DNAJC1: variants seen among roughly 807,000 people sequenced by gnomAD.
DNAJC1 encodes dnaJ homolog subfamily C member 1.
A neutral mutation model predicts 76.6 loss-of-function variants in DNAJC1; 58 were observed. That is an observed-to-expected ratio of 0.76 (90% confidence interval 0.61 to 0.94). The LOEUF is 0.94. Among genes scored for constraint, DNAJC1 ranks in the 40% least tolerant of loss-of-function variants. The pLI is 0.00. For synonymous variants in DNAJC1, 258 were observed against 267.9 expected, an observed-to-expected ratio of 0.96 and a Z score of 0.36; for missense variants, 689 against 677.3, an observed-to-expected ratio of 1.02 and a Z score of -0.19.
At chr10:21,796,614 TTTTG>T (rs1191135029) in intron 9 of DNAJC1, among the ~76,000 whole-genome samples, 11 of 152,026 alleles carry the variant, frequency 7.2e-5, no homozygotes, top group South Asian at 2.1e-4. Flanking sequence ...CTTCTTTTTG[TTTTG>T]TTTTTGTTTT....
chr10:21,841,223 G>A (rs1426914476), intron 8 of DNAJC1, among the ~76,000 whole-genome samples: 4 of 152,090 alleles, frequency 2.6e-5, no homozygotes, highest in Admixed American at 2.6e-4. Context: ...ACAACCAAAA[G>A]CAATGGCAAC....
chr10:22,003,606 G>A lies in DNAJC1; in HGVS notation c.-172C>T. The A allele has an allele frequency of 1.3e-6, 1 of 759,896 alleles. No individual in the cohort carries two copies. Among genetic ancestry groups the A allele is most frequent in the South Asian group, 5.2e-5 (1 of 19,206 alleles). The allele number at this position is 759,896 out of a possible 1,614,324, so 47.1% of individuals were successfully genotyped here. Reference sequence around the variant, plus strand: ...CAGACAGAGCGCGGAGGCGGCGGGAGCCGGCTGCCGGACGGGCGGGTGGGT... The same window carrying A: ...CAGACAGAGCGCGGAGGCGGCGGGAACCGGCTGCCGGACGGGCGGGTGGGT... On this transcript the variant is annotated 5_prime_UTR_variant, in exon 1 of 12. Coordinates refer to ENST00000376980, the MANE Select transcript of DNAJC1 (RefSeq NM_022365.4).
chr10:21,782,352 A>G (rs1329126807), intron 9 of DNAJC1, among the ~76,000 whole-genome samples: 1 of 152,224 alleles, frequency 6.6e-6, no homozygotes, highest in Non-Finnish European at 1.5e-5. Flanking sequence ...AAGAAGTCGA[A>G]TCTCTGAATA....
intron 8 of DNAJC1, among the ~76,000 whole-genome samples, chr10:21,875,084 T>C (rs993629549): frequency 1.5e-4 from 23 of 152,196 alleles, no homozygotes; most frequent in African/African-American, 5.5e-4. Flanking sequence ...TTTCACCATG[T>C]TGGCCAGGCT....
intron 8 of DNAJC1, among the ~76,000 whole-genome samples, chr10:21,813,605 G>T (rs945128442): frequency 1.3e-5 from 2 of 151,992 alleles, no homozygotes; most frequent in African/African-American, 4.8e-5. Context: ...CACCGTGTTA[G>T]CCAGGATGGT....
In DNAJC1 at chr10:21,862,080, G is replaced by A. The variant is rs909388777; in HGVS notation, c.978+20202C>T. ...ATTACAGGCATGCACCACCACGCCCGGCTAATTTTGTATTTTTAGTAGAGA... is the reference window on the plus strand; with the variant it reads ...ATTACAGGCATGCACCACCACGCCCAGCTAATTTTGTATTTTTAGTAGAGA... On this transcript the variant is annotated intron_variant, in intron 8 of 11. Transcript: ENST00000376980. Among the ~76,000 whole-genome samples, 8 of 151,852 alleles carry A rather than the reference G, an allele frequency of 5.3e-5. No homozygotes were observed. The East Asian group carries it at 9.7e-4, about 18-fold the overall frequency.
intron 1 of DNAJC1, among the ~76,000 whole-genome samples, chr10:21,995,723 T>A (rs1288658179): frequency 6.6e-6 from 1 of 152,240 alleles, no homozygotes; most frequent in Non-Finnish European, 1.5e-5. Context: ...GAACGTGGCA[T>A]GCCCTTGCTT....
chr10:21,813,220 C>CTATATATATATATA (rs777283982), intron 8 of DNAJC1, among the ~76,000 whole-genome samples: 16 of 19,080 alleles, frequency 8.4e-4, no homozygotes, highest in African/African-American at 1.0e-3. Flanking sequence ...CTCTCTCTCT[C>CTATATATATATATA]TATATATATA....
At chr10:21,839,444 A>T (rs1759734540) in intron 8 of DNAJC1, among the ~76,000 whole-genome samples, 1 of 152,242 alleles carries the variant, frequency 6.6e-6, no homozygotes, top group South Asian at 2.1e-4. Context: ...ACAGAAATAC[A>T]AACTACCATC....
chr10:21,944,840 T>C (rs1182033964), intron 1 of DNAJC1, among the ~76,000 whole-genome samples: 1 of 152,194 alleles, frequency 6.6e-6, no homozygotes, highest in Non-Finnish European at 1.5e-5. Context: ...GGTAAGGTTG[T>C]AAATGACAGA....
chr10:21,870,308 A>G (rs889688469), intron 8 of DNAJC1, among the ~76,000 whole-genome samples: 1 of 152,140 alleles, frequency 6.6e-6, no homozygotes, highest in Non-Finnish European at 1.5e-5. Context: ...TCTCAACTTG[A>G]TTTTTTAAAA....
At chr10:21,990,917 G>T (rs185379696) in intron 1 of DNAJC1, among the ~76,000 whole-genome samples, 71 of 152,254 alleles carry the variant, frequency 4.7e-4, no homozygotes, top group African/African-American at 1.6e-3. Flanking sequence ...AAGGCAAAAA[G>T]ATCGTTAATT....
At chr10:21,913,522 A>G (rs1452380879) in intron 6 of DNAJC1, among the ~76,000 whole-genome samples, 3 of 152,206 alleles carry the variant, frequency 2.0e-5, no homozygotes, top group Admixed American at 1.3e-4. Flanking sequence ...AAAATAAACT[A>G]AGTTATAACA....
chr10:21,782,764 C>T (rs1342462339), intron 9 of DNAJC1, among the ~76,000 whole-genome samples: 3 of 152,252 alleles, frequency 2.0e-5, no homozygotes, highest in East Asian at 1.9e-4. Flanking sequence ...AATCAATAAA[C>T]GTAATCCATC....
intron 1 of DNAJC1, among the ~76,000 whole-genome samples, chr10:21,944,117 C>T (rs1386406726): frequency 6.6e-6 from 1 of 151,520 alleles, no homozygotes; most frequent in African/African-American, 2.4e-5. Flanking sequence ...GGAAAAGACA[C>T]TGGCATGGAA....
At chr10:21,794,990 G>A (rs1399562197) in intron 9 of DNAJC1, among the ~76,000 whole-genome samples, 8 of 151,936 alleles carry the variant, frequency 5.3e-5, no homozygotes. Context: ...GTTCCAATAA[G>A]TATTTCCTTT....
intron 3 of DNAJC1, among the ~76,000 whole-genome samples, 153 bp from the exon 4 acceptor site, chr10:21,921,116 T>A (rs1418298027): frequency 6.6e-6 from 1 of 151,966 alleles, no homozygotes; most frequent in African/African-American, 2.4e-5. Flanking sequence ...TCGAGTAAAT[T>A]CAAAGCACTG....
chr10:21,947,365 C>CG (rs1837521142), intron 1 of DNAJC1, among the ~76,000 whole-genome samples: 1 of 152,056 alleles, frequency 6.6e-6, no homozygotes, highest in South Asian at 2.1e-4. Context: ...TCCTGACTCC[C>CG]GTTCCACTTC....
At chr10:21,891,829 C>T (rs1836467991) in intron 7 of DNAJC1, among the ~76,000 whole-genome samples, 1 of 151,944 alleles carries the variant, frequency 6.6e-6, no homozygotes, top group African/African-American at 2.4e-5. Context: ...GCTCTATAAA[C>T]AGAAAATAAA....
Sources: allele counts gnomAD v4.1 joint callset (sites outside exome capture counted in the v4.1 genomes callset), GRCh38; gene constraint gnomAD v4.1.1; transcripts MANE v1.5; gene names NCBI Gene and HGNC (gene_info 2026-07-23, HGNC 2026-07-21).